The following GSE1 variants were observed in gnomAD, a reference collection of about 807,000 sequenced individuals.
GSE1 encodes Gse1 coiled-coil protein, also known as genetic suppressor element 1.
GSE1 carries 32 observed loss-of-function variants against 112.6 expected under a neutral mutation model. The observed-to-expected ratio is 0.28, with a 90% CI of 0.21 to 0.38. The LOEUF (loss-of-function observed/expected upper bound fraction) is 0.38. Among genes scored for constraint, GSE1 ranks in the 10% least tolerant of loss-of-function variants. The pLI is 1.00. For synonymous variants in GSE1, 1,115 were observed against 735.6 expected (o/e 1.52, Z -8.35); for missense variants, 2,348 against 1,699.2 (o/e 1.38, Z -6.71).
At chr16:85,616,003 C>A (rs149288522) in intron 1 of GSE1, among the ~76,000 whole-genome samples, 131 of 152,374 alleles carry the variant, frequency 8.6e-4, no homozygotes, top group African/African-American at 3.1e-3. Context: ...CAGTCACTTC[C>A]CTGTCTCTGG....
At position 85,276,879 on chromosome 16, in the gene GSE1, G is replaced by A. The variant is rs143696329; in HGVS notation, c.2284-80584G>A. Among the ~76,000 whole-genome samples, 139 of 152,308 alleles carry A rather than the reference G, an allele frequency of 9.1e-4. 2 individuals carry two copies. Among genetic ancestry groups the A allele is most frequent in the East Asian group, 6.8e-3 (35 of 5,182 alleles). On this transcript the variant is annotated intron_variant, in intron 1 of 2. Coordinates refer to the GSE1 transcript ENST00000637419. ...CAGGTGTCCTCAGACTCCTGTGCAC[G>A]GTCAAGTTAGAGAACCCCCAAGGCC...
chr16:85,426,694 A>ATAGGTGGG (rs1555510165), intron 2 of GSE1, among the ~76,000 whole-genome samples: 2 of 38,966 alleles, frequency 5.1e-5, no homozygotes, highest in Non-Finnish European at 1.8e-4. Context: ...GGATGGGTAG[A>ATAGGTGGG]TGGGTGGGTG....
chr16:85,479,924 C>A (rs1448373233), intron 2 of GSE1, among the ~76,000 whole-genome samples: 1 of 152,154 alleles, frequency 6.6e-6, no homozygotes, highest in Non-Finnish European at 1.5e-5. Context: ...CTCCTCAAAG[C>A]TCTCCATGCC....
At chr16:85,574,237 T>G (rs1326991389) in intron 1 of GSE1, among the ~76,000 whole-genome samples, 2 of 152,158 alleles carry the variant, frequency 1.3e-5, no homozygotes, top group Non-Finnish European at 2.9e-5. Flanking sequence ...TGACCCTCCA[T>G]AGCAGGCCCC....
intron 1 of GSE1, among the ~76,000 whole-genome samples, chr16:85,187,498 TGTCA>T: frequency 6.6e-6 from 1 of 152,240 alleles, no homozygotes; most frequent in Non-Finnish European, 1.5e-5. Context: ...TCTTGCTCAG[TGTCA>T]CCTGGCTCTC....
intron 1 of GSE1, among the ~76,000 whole-genome samples, chr16:85,560,871 G>A (rs898953406): frequency 1.5e-4 from 23 of 152,118 alleles, no homozygotes; most frequent in African/African-American, 4.8e-4. Context: ...TCTTACACCT[G>A]TAGTCCCAGC....
intron 1 of GSE1, among the ~76,000 whole-genome samples, chr16:85,200,822 C>G (rs1052840910): frequency 6.6e-6 from 1 of 152,176 alleles, no homozygotes; most frequent in Admixed American, 6.5e-5. Flanking sequence ...TGTGCAGCCA[C>G]CACCACCGTC....
chr16:85,201,816 T>C (rs946132430), intron 1 of GSE1, among the ~76,000 whole-genome samples: 1 of 152,226 alleles, frequency 6.6e-6, no homozygotes, highest in Non-Finnish European at 1.5e-5. Flanking sequence ...TCTGTCAGCA[T>C]GCAGTCTCAT....
intron 1 of GSE1, among the ~76,000 whole-genome samples, chr16:85,245,100 T>A (rs1011114148): frequency 1.3e-5 from 2 of 152,122 alleles, no homozygotes; most frequent in African/African-American, 4.8e-5. Flanking sequence ...AGTTCAGGGC[T>A]GCAGTAAGCT....
chr16:85,333,097 C>G (rs2046409573), intron 1 of GSE1, among the ~76,000 whole-genome samples: 1 of 152,068 alleles, frequency 6.6e-6, no homozygotes, highest in Non-Finnish European at 1.5e-5. Flanking sequence ...TCAGCCAGCA[C>G]TCACCCAGGG....
At chr16:85,240,686 G>A (rs911913032) in intron 1 of GSE1, among the ~76,000 whole-genome samples, 3 of 152,188 alleles carry the variant, frequency 2.0e-5, no homozygotes, top group Non-Finnish European at 4.4e-5. Context: ...GAGGTTCCTC[G>A]GGGCCACTGT....
intron 2 of GSE1, among the ~76,000 whole-genome samples, chr16:85,431,366 G>T (rs1222679061): frequency 1.3e-5 from 2 of 152,374 alleles, no homozygotes; most frequent in Admixed American, 1.3e-4. Context: ...TTTTCAAAGA[G>T]AAGCCAGAAG....
intron 2 of GSE1, chr16:85,357,705 G>C: frequency 8.9e-7 from 1 of 1,122,542 alleles, no homozygotes; most frequent in Non-Finnish European, 1.2e-6. Flanking sequence ...TCCCAGCAGG[G>C]ATGGGGGCTC....
intron 13 of GSE1, 80 bp downstream of exon 13, chr16:85,666,427 G>A: frequency 7.2e-7 from 1 of 1,389,222 alleles, no homozygotes; most frequent in Non-Finnish European, 1.0e-6. Flanking sequence ...CAGCTGCTCA[G>A]CCGTTCAGCC....
In GSE1 at chr16:85,656,086, C is replaced by T. The variant is rs534117785; in HGVS notation, c.989+169C>T. ...TCGTTCAGGCTCTGCTCTGAAATAG[C>T]GCCTGTCTCGGTAGCCGTGGTCTCC... On this transcript the variant is annotated intron_variant, in intron 6 of 15. Transcript: ENST00000253458. Among the ~76,000 whole-genome samples the T allele has an allele frequency of 1.3e-4, 20 of 152,260 alleles. No homozygotes were observed. The East Asian group carries it at 1.9e-3, about 15-fold the overall frequency.
intron 1 of GSE1, among the ~76,000 whole-genome samples, chr16:85,182,391 G>A (rs2074606575): frequency 6.6e-6 from 1 of 152,244 alleles, no homozygotes; most frequent in Non-Finnish European, 1.5e-5. Flanking sequence ...CCTCACGTGT[G>A]AGCCCCATGG....
intron 1 of GSE1, among the ~76,000 whole-genome samples, chr16:85,214,306 C>G (rs949811682): frequency 3.3e-5 from 5 of 152,186 alleles, no homozygotes; most frequent in African/African-American, 9.7e-5. Flanking sequence ...GAAATAGGGT[C>G]TTTGCCCATG....
Position 85,625,326 on chromosome 16 carries a change from C to T in GSE1, c.8-8588C>T, listed in dbSNP as rs116586817. Reference sequence around the variant, plus strand: ...TCCCTCGCCTCCATCCGGGAACCTCCGGGACCAGTCCGTGGCCGTGAACCT... The same window carrying T: ...TCCCTCGCCTCCATCCGGGAACCTCTGGGACCAGTCCGTGGCCGTGAACCT... On this transcript the variant is annotated intron_variant, in intron 1 of 15. Coordinates refer to ENST00000253458, the MANE Select transcript of GSE1 (RefSeq NM_014615.5). Among the ~76,000 whole-genome samples the T allele has an allele frequency of 6.8e-3, 1,040 of 152,336 alleles. 12 individuals carry two copies. The highest frequency in any genetic ancestry group is 0.024 in the African/African-American group (1,001 of 41,588).
intron 1 of GSE1, among the ~76,000 whole-genome samples, chr16:85,601,992 C>T (rs1330802680): frequency 6.6e-6 from 1 of 152,072 alleles, no homozygotes; most frequent in Non-Finnish European, 1.5e-5. Flanking sequence ...CACTGGGAGG[C>T]GGCGGGGAGG....
Sources: allele counts gnomAD v4.1 joint callset (sites outside exome capture counted in the v4.1 genomes callset), GRCh38; gene constraint gnomAD v4.1.1; transcripts MANE v1.5; gene names NCBI Gene and HGNC (gene_info 2026-07-23, HGNC 2026-07-21).